ABCC11: variants seen among roughly 807,000 people sequenced by gnomAD.
The protein encoded by ABCC11 is ATP binding cassette subfamily C member 11.
A neutral mutation model predicts 149.3 loss-of-function variants in ABCC11; 135 were observed. The observed-to-expected ratio is 0.90, with a 90% confidence interval of 0.79 to 1.04. ABCC11 has a LOEUF of 1.04. ABCC11 is among the 50% of genes least tolerant of loss of function. The pLI is 0.00. For synonymous variants in ABCC11, 665 were observed against 671.4 expected (o/e 0.99, Z 0.15); for missense variants, 1,680 against 1,722.1 (o/e 0.98, Z 0.43).
chr16:48,184,685 G>A, intron 22 of ABCC11, 59 bp from the exon 23 acceptor site: 2 of 1,548,860 alleles, frequency 1.3e-6, no homozygotes, highest in Non-Finnish European at 1.8e-6. Flanking sequence ...GTCTCCCCGG[G>A]TCAGGGTAGA....
chr16:48,197,874 G>T, intron 17 of ABCC11, 97 bp downstream of exon 17: 4 of 1,303,090 alleles, frequency 3.1e-6, no homozygotes, highest in Non-Finnish European at 4.3e-6. Context: ...GACACTGAGG[G>T]ACATGGCCCA....
At chr16:48,244,962 C>T (rs1971274890) in intron 1 of ABCC11, among the ~76,000 whole-genome samples, 1 of 152,180 alleles carries the variant, frequency 6.6e-6, no homozygotes, top group Non-Finnish European at 1.5e-5. Flanking sequence ...CAGGCCCTTT[C>T]TTTCTCCCCG....
At chr16:48,213,187 T>G (rs942983121) in intron 10 of ABCC11, among the ~76,000 whole-genome samples, 1 of 152,234 alleles carries the variant, frequency 6.6e-6, no homozygotes. Context: ...CAAACCTGGA[T>G]AAAGTCTGCA....
rs189753920 is a variant in ABCC11 at position 48,188,859 on chromosome 16, G to A, written c.2707-1432C>T. Among the ~76,000 whole-genome samples, 8 of 152,320 alleles carry A rather than the reference G, an allele frequency of 5.3e-5. No homozygotes were observed. The East Asian group carries it at 1.5e-3, about 29-fold the overall frequency. On this transcript the variant is annotated intron_variant, in intron 20 of 29. Transcript: ENST00000356608. ...AAGCTATAATGCAAGAAGTAGAAAT[G>A]AATAGAAGCCAATGGCATTTATTAA...
intron 1 of ABCC11, among the ~76,000 whole-genome samples, chr16:48,239,564 A>C (rs1306743409): frequency 7.2e-6 from 1 of 138,676 alleles, no homozygotes; most frequent in Admixed American, 6.8e-5. Context: ...TGTGTCACAA[A>C]AAAAAAAAAA....
At chr16:48,233,497 G>C (rs1293329918) in intron 1 of ABCC11, among the ~76,000 whole-genome samples, 2 of 152,180 alleles carry the variant, frequency 1.3e-5, no homozygotes, top group Non-Finnish European at 1.5e-5. Flanking sequence ...GAGAGAAGGA[G>C]GTGTATTAGA....
At chr16:48,206,278 C>T (rs1219759373) in intron 12 of ABCC11, among the ~76,000 whole-genome samples, 1 of 152,120 alleles carries the variant, frequency 6.6e-6, no homozygotes, top group Non-Finnish European at 1.5e-5. Context: ...TTGGACATCA[C>T]GATGAAGTAT....
intron 13 of ABCC11, among the ~76,000 whole-genome samples, chr16:48,204,906 G>C (rs559520049): frequency 2.1e-3 from 316 of 152,250 alleles, no homozygotes; most frequent in Non-Finnish European, 3.4e-3. Context: ...GAGGGATATG[G>C]ACAAGACTTG....
At position 48,178,624 on chromosome 16, in the gene ABCC11, A is replaced by G; in HGVS notation, c.3321T>C (p.Ala1107=). 1 of 1,614,120 alleles carries G rather than the reference A, an allele frequency of 6.2e-7. No homozygotes were observed. The highest frequency in any genetic ancestry group is 8.5e-7 in the Non-Finnish European group (1 of 1,180,020). ...TCATGTACTGCAGTATCCTCTCTAC[A>G]GCCGTGAACTGTGCCTCTGTCTCCA... ...IGLETEAQFT[A]VERILQYMKM... The change falls in exon 24 of 30, where the codon GCT becomes GCC. Residue 1107 remains alanine (A), a synonymous_variant. Transcript: ENST00000356608.
At chr16:48,244,571 C>T (rs1236159999) in intron 1 of ABCC11, 3 of 1,521,056 alleles carry the variant, frequency 2.0e-6, no homozygotes, top group Admixed American at 2.1e-5. Context: ...GCGTCATCCC[C>T]AACACGCCTG....
intron 25 of ABCC11, among the ~76,000 whole-genome samples, chr16:48,175,684 A>C (rs1567477892): frequency 6.6e-6 from 1 of 152,212 alleles, no homozygotes; most frequent in Non-Finnish European, 1.5e-5. Flanking sequence ...TCATATACAC[A>C]ATGTTAGGAT....
chr16:48,206,257 T>C (rs1477176781), intron 12 of ABCC11, among the ~76,000 whole-genome samples: 2 of 152,196 alleles, frequency 1.3e-5, no homozygotes, highest in African/African-American at 2.4e-5. Flanking sequence ...GGCAGAAAAA[T>C]GTTCTTACTT....
Position 48,214,970 on chromosome 16 carries a change from T to C in ABCC11, c.1159A>G (p.Ser387Gly), listed in dbSNP as rs1369480756. ...EKCGLVQSLT[S>G]ITLFIIPTVA... Reference sequence around the variant, plus strand: ...GTGGGGATGATGAACAAGGTTATACTTGTCAGGCTCTGGACAAGCCCGCAC... The same window carrying C: ...GTGGGGATGATGAACAAGGTTATACCTGTCAGGCTCTGGACAAGCCCGCAC... The change falls in exon 9 of 30, where the codon AGT becomes GGT. Residue 387 changes from serine to glycine, a missense_variant. Transcript: ENST00000356608. 3 of 1,614,050 alleles carry C rather than the reference T, an allele frequency of 1.9e-6. No homozygotes were observed. The Admixed American group carries it at 5.0e-5, about 27-fold the overall frequency.
chr16:48,166,398 A>C lies in ABCC11; in HGVS notation c.*876T>G, dbSNP rs935341246. Among the ~76,000 whole-genome samples the C allele has an allele frequency of 2.6e-5, 4 of 152,232 alleles. No homozygotes were observed. The highest frequency in any genetic ancestry group is 9.6e-5 in the African/African-American group (4 of 41,462). On this transcript the variant is annotated 3_prime_UTR_variant, in exon 30 of 30. Transcript: ENST00000356608. Reference sequence around the variant, plus strand: ...GAAGTTAGAAAGTGAAGCCAAACAAAGGAAAGCAGAGCTAGGAGAAGAGAA... The same window carrying C: ...GAAGTTAGAAAGTGAAGCCAAACAACGGAAAGCAGAGCTAGGAGAAGAGAA...
At chr16:48,176,046 G>C (rs1028963644) in intron 25 of ABCC11, 2 of 152,248 alleles carry the variant, frequency 1.3e-5, no homozygotes, top group African/African-American at 4.8e-5. Flanking sequence ...AAAACCTACT[G>C]AATGAATATA....
intron 17 of ABCC11, among the ~76,000 whole-genome samples, 184 bp from the exon 18 acceptor site, chr16:48,196,505 G>A (rs1022081626): frequency 6.6e-6 from 1 of 152,208 alleles, no homozygotes. Context: ...CCAGAGCCTG[G>A]AAAGGGATCC....
intron 2 of ABCC11, among the ~76,000 whole-genome samples, chr16:48,231,477 C>A (rs1035924206): frequency 6.6e-6 from 1 of 151,784 alleles, no homozygotes; most frequent in Non-Finnish European, 1.5e-5. Flanking sequence ...GCCTGGGCAA[C>A]ATAGGGAGAC....
chr16:48,186,988 G>A lies in ABCC11; in HGVS notation c.3036C>T (p.Ile1012=). ...AGTCTTCAGTTTTTCCATAGACATG[G>A]ATGGAGCTCAGGCCTTGCAGAGAAT... ...ILNSLQGLSS[I]HVYGKTEDFI... Residue 1012 remains isoleucine, a synonymous_variant, in exon 22 of 30, where the codon ATC becomes ATT. Coordinates refer to ENST00000356608, the MANE Select transcript of ABCC11 (RefSeq NM_001370497.1). The A allele has an allele frequency of 6.8e-6, 11 of 1,614,174 alleles. No individual in the cohort carries two copies. The highest frequency in any genetic ancestry group is 9.3e-6 in the Non-Finnish European group (11 of 1,180,028).
Position 48,227,864 on chromosome 16 carries a change from C to T in ABCC11, c.337G>A (p.Asp113Asn), listed in dbSNP as rs1970175252. Residue 113 changes from aspartate (D) to asparagine (N), a missense_variant, in exon 4 of 30, where the codon GAT (aspartate) becomes AAT (asparagine). By Grantham distance (23) the Asp-to-Asn change is conservative. Coordinates refer to ENST00000356608, the MANE Select transcript of ABCC11 (RefSeq NM_001370497.1). ...LMIQSLRSRL[D>N]ENTIPPLSVH... is the part of the protein sequence containing the mutation. ...GACAGTGGAGGGATGGTGTTCTCATCTAAGCGACTCCGTAAGCTTTGGATC... is the reference window on the plus strand; with the variant it reads ...GACAGTGGAGGGATGGTGTTCTCATTTAAGCGACTCCGTAAGCTTTGGATC... 6.2e-7 allele frequency: 1 copy of T among 1,613,828 alleles called. No individual in the cohort carries two copies. The highest frequency in any genetic ancestry group is 1.7e-5 in the Admixed American group (1 of 60,002).
Sources: allele counts gnomAD v4.1 joint callset (sites outside exome capture counted in the v4.1 genomes callset), GRCh38; gene constraint gnomAD v4.1.1; transcripts MANE v1.5; gene names NCBI Gene and HGNC (gene_info 2026-07-23, HGNC 2026-07-21).